DNAJC13: variants seen among roughly 807,000 people sequenced by gnomAD.
DNAJC13 encodes dnaJ homolog subfamily C member 13.
A neutral mutation model predicts 290.5 loss-of-function variants in DNAJC13; 75 were observed. That is an observed-to-expected ratio of 0.26 (90% CI 0.21 to 0.31). DNAJC13 has a LOEUF of 0.31. Among genes scored for constraint, DNAJC13 ranks in the 10% least tolerant of loss-of-function variants. The probability of loss-of-function intolerance (pLI) is 1.00; values close to 1 mark genes in which losing one functional copy is unlikely to be tolerated. For missense variants in DNAJC13, 2,260 were observed against 2,674.5 expected, an observed-to-expected ratio of 0.85 and a Z score of 3.42; for synonymous variants, 862 against 892.0, an observed-to-expected ratio of 0.97 and a Z score of 0.60.
At chr3:132,459,253 C>G (rs1476250359) in intron 13 of DNAJC13, among the ~76,000 whole-genome samples, 1 of 152,006 alleles carries the variant, frequency 6.6e-6, no homozygotes, top group Non-Finnish European at 1.5e-5. Flanking sequence ...GCTAAATGAG[C>G]AGAAACAAAA....
intron 48 of DNAJC13, among the ~76,000 whole-genome samples, chr3:132,519,319 TATG>T (rs1177945378): frequency 1.3e-5 from 2 of 152,228 alleles, no homozygotes; most frequent in Non-Finnish European, 2.9e-5. Context: ...TCCTAGTAGG[TATG>T]ATGTGTTACA....
At chr3:132,490,745 C>T in intron 31 of DNAJC13, 152 bp from the exon 32 acceptor site, 3 of 781,530 alleles carry the variant, frequency 3.8e-6, no homozygotes, top group Non-Finnish European at 5.6e-6. Context: ...TCACATTTTG[C>T]TGTGTTTCCA....
chr3:132,446,280 AGTGG>A (rs1933241050), intron 2 of DNAJC13, among the ~76,000 whole-genome samples, 191 bp from the exon 3 acceptor site: 1 of 152,080 alleles, frequency 6.6e-6, no homozygotes, highest in Non-Finnish European at 1.5e-5. Flanking sequence ...CAGTAAAATG[AGTGG>A]GTGGGTTTTA....
At position 132,422,429 on chromosome 3, in the gene DNAJC13, A is replaced by G. The variant is rs79971567; in HGVS notation, c.-14+4669A>G. 2.6e-4 allele frequency among the ~76,000 whole-genome samples: 39 copies of G among 152,328 alleles called. No individual in the cohort carries two copies. The East Asian group carries it at 7.1e-3, about 28-fold the overall frequency. ...TATCTAGTCTCATCCACTAAATGCT[A>G]GTAGTGCTCCCAGTCATAGTGCCTC... On this transcript the variant is annotated intron_variant, in intron 1 of 55. Coordinates refer to ENST00000260818, the MANE Select transcript of DNAJC13 (RefSeq NM_015268.4).
intron 20 of DNAJC13, among the ~76,000 whole-genome samples, 179 bp from the exon 21 acceptor site, chr3:132,472,966 A>G (rs1934334949): frequency 6.6e-6 from 1 of 152,244 alleles, no homozygotes; most frequent in Admixed American, 6.5e-5. Context: ...TATATGTGAT[A>G]TAATTTAATA....
intron 27 of DNAJC13, 42 bp from the exon 28 acceptor site, chr3:132,483,333 A>G: frequency 6.4e-7 from 1 of 1,574,116 alleles, no homozygotes; most frequent in Non-Finnish European, 8.7e-7. Flanking sequence ...GAGGTTTTTC[A>G]TTTTATTTTG....
chr3:132,528,206 G>A lies in DNAJC13; in HGVS notation c.6399G>A (p.Leu2133=). 6.2e-7 allele frequency: 1 copy of A among 1,614,014 alleles called. No individual in the cohort carries two copies. Among genetic ancestry groups the A allele is most frequent in the Non-Finnish European group, 8.5e-7 (1 of 1,179,966 alleles). ...TCTTCTAGGCCCTGAAAGCAGATTT[G>A]GTTCCATACCTCTTAAAATTACTCG... ...ELVAQALKAD[L]VPYLLKLLEG... Residue 2133 remains leucine, a synonymous_variant, in exon 54 of 56, where the codon TTG becomes TTA. Transcript: ENST00000260818.
chr3:132,446,347 A>C, intron 2 of DNAJC13, 128 bp from the exon 3 acceptor site: 1 of 616,310 alleles, frequency 1.6e-6, no homozygotes, highest in Non-Finnish European at 2.8e-6. Context: ...TAACTAAGCT[A>C]TATTTAGTCA....
intron 13 of DNAJC13, chr3:132,457,729 T>C: frequency 6.1e-6 from 1 of 163,242 alleles, no homozygotes; most frequent in Non-Finnish European, 1.3e-5. Flanking sequence ...TTCTGGAAGA[T>C]GTTACATTTG....
intron 2 of DNAJC13, 134 bp from the exon 3 acceptor site, chr3:132,446,341 T>C: frequency 1.7e-6 from 1 of 593,754 alleles, no homozygotes; most frequent in Non-Finnish European, 2.9e-6. Flanking sequence ...AATATATAAC[T>C]AAGCTATATT....
At chr3:132,499,872 T>C in intron 38 of DNAJC13, 64 bp downstream of exon 38, 1 of 1,445,864 alleles carries the variant, frequency 6.9e-7, no homozygotes, top group Non-Finnish European at 9.6e-7. Flanking sequence ...CTTTAACATA[T>C]CTGAGAATCA....
At chr3:132,512,241 ACT>A (rs1935798466) in intron 44 of DNAJC13, among the ~76,000 whole-genome samples, 1 of 152,208 alleles carries the variant, frequency 6.6e-6, no homozygotes, top group African/African-American at 2.4e-5. Flanking sequence ...ATTAGAATTA[ACT>A]CTCTCGTAAT....
In DNAJC13 at chr3:132,482,334, T is replaced by A; in HGVS notation, c.2979+4T>A. On this transcript the variant is annotated splice_donor_region_variant and intron_variant, in intron 27 of 55. Transcript: ENST00000260818. ...TGGCCCGTATGGATTTCATGAGGTA[T>A]GTATCTTGGAGATACTTTTGGTGAA... The A allele has an allele frequency of 6.2e-7, 1 of 1,610,862 alleles. No homozygotes were observed. Among genetic ancestry groups the A allele is most frequent in the Non-Finnish European group, 8.5e-7 (1 of 1,177,610 alleles).
At position 132,456,382 on chromosome 3, in the gene DNAJC13, G is replaced by A. The variant is rs369628764; in HGVS notation, c.1080G>A (p.Arg360=). The A allele has an allele frequency of 1.1e-4, 170 of 1,613,054 alleles. No individual in the cohort carries two copies. The highest frequency in any genetic ancestry group is 1.3e-4 in the Non-Finnish European group (159 of 1,179,670). Residue 360 remains arginine, a synonymous_variant, in exon 10 of 56, where the codon AGG becomes AGA. Transcript: ENST00000260818. Reference sequence around the variant, plus strand: ...AGGAAGTAGAGAGCCTTCACCTCAGGTTCTTAGCTACGCCTCCAAGTAAGT... The same window carrying A: ...AGGAAGTAGAGAGCCTTCACCTCAGATTCTTAGCTACGCCTCCAAGTAAGT... ...VDEEVESLHL[R]FLATPPNGNF...
chr3:132,436,385 CTTCAT>C (rs1187378351), intron 2 of DNAJC13, among the ~76,000 whole-genome samples: 2 of 152,206 alleles, frequency 1.3e-5, no homozygotes, highest in African/African-American at 4.8e-5. Context: ...CATGTCAGTA[CTTCAT>C]TTCATTAATG....
intron 29 of DNAJC13, among the ~76,000 whole-genome samples, chr3:132,487,559 A>ATTTTTT (rs10663131): frequency 0.12 from 12,778 of 110,104 alleles, 1,419 homozygotes; most frequent in East Asian, 0.52. Context: ...CCTGGCTGTA[A>ATTTTTT]TTTTTTTTTT....
chr3:132,475,282 T>C (rs1387476497), intron 22 of DNAJC13, among the ~76,000 whole-genome samples, 197 bp downstream of exon 22: 1 of 152,198 alleles, frequency 6.6e-6, no homozygotes, highest in Non-Finnish European at 1.5e-5. Flanking sequence ...TAACTTAGCT[T>C]TGTACCTGAG....
chr3:132,484,857 C>T (rs1934800859), intron 29 of DNAJC13, among the ~76,000 whole-genome samples, 185 bp downstream of exon 29: 1 of 152,174 alleles, frequency 6.6e-6, no homozygotes, highest in East Asian at 1.9e-4. Context: ...TTGCTTGAGT[C>T]AAGGAGTTCG....
chr3:132,516,834 T>G lies in DNAJC13; in HGVS notation c.5673+18T>G. The stretch of plus-strand genomic sequence containing the variant: ...GTCCAAAGGTAGGCACAAAATAAGT[T>G]CTTGAAAGGAAATTAATTATTAAAG... On this transcript the variant is annotated intron_variant, in intron 48 of 55. Coordinates refer to ENST00000260818, the MANE Select transcript of DNAJC13 (RefSeq NM_015268.4). The G allele has an allele frequency of 6.4e-7, 1 of 1,566,518 alleles. No homozygotes were observed. The highest frequency in any genetic ancestry group is 8.7e-7 in the Non-Finnish European group (1 of 1,146,642).
Sources: gnomAD v4.1 joint callset for allele counts (sites outside exome capture counted in the v4.1 genomes callset) on GRCh38, gnomAD v4.1.1 for gene constraint, MANE v1.5 for transcripts, NCBI Gene and HGNC (gene_info 2026-07-23, HGNC 2026-07-21) for gene names.